The following DOCK2 variants were observed in gnomAD, a reference collection of about 807,000 sequenced individuals.
The protein encoded by DOCK2 is dedicator of cytokinesis protein 2.
Under a neutral mutation model 248.9 loss-of-function variants are expected in DOCK2, and 87 were observed. The ratio of observed to expected loss-of-function variants is 0.35; its 90% CI spans 0.29 to 0.42. The LOEUF is 0.42. DOCK2 is among the 10% of genes least tolerant of loss of function. The probability of loss-of-function intolerance (pLI) is 1.00; values close to 1 mark genes in which losing one functional copy is unlikely to be tolerated. For missense variants in DOCK2, 1,747 were observed against 2,300.2 expected, an observed-to-expected ratio of 0.76 and a Z score of 4.92; for synonymous variants, 805 against 821.6, an observed-to-expected ratio of 0.98 and a Z score of 0.35.
At chr5:169,897,127 A>C (rs983447432) in intron 27 of DOCK2, among the ~76,000 whole-genome samples, 1 of 152,202 alleles carries the variant, frequency 6.6e-6, no homozygotes, top group East Asian at 1.9e-4. Context: ...GGCTTTCTCT[A>C]TGAGAAAGAG....
intron 43 of DOCK2, chr5:170,057,153 G>A (rs1375472910): frequency 4.2e-5 from 15 of 354,022 alleles, no homozygotes; most frequent in Non-Finnish European, 3.7e-5. Context: ...TCCTCTGTGT[G>A]TGTCCAGCTA....
rs192453842 is a variant in DOCK2, at chr5:169,708,267, G to C, written c.1482G>C (p.Lys494Asn). ...AGCCACGCTGGATGGAAACAGTCAAGGTAATAATTAATAATAGCAGCAAAC... is the reference window on the plus strand; with the variant it reads ...AGCCACGCTGGATGGAAACAGTCAACGTAATAATTAATAATAGCAGCAAAC... ...VKQPRWMETV[K>N]VAVPIEDMQR... Residue 494 changes from lysine (K) to asparagine (N), a missense_variant and splice_region_variant, in exon 15 of 52, where the codon AAG (lysine) becomes AAC (asparagine). By Grantham distance (94) the Lys-to-Asn change is moderately conservative. Transcript: ENST00000520908. 1 of 1,613,086 alleles carries C rather than the reference G, an allele frequency of 6.2e-7. No homozygotes were observed. Among genetic ancestry groups the C allele is most frequent in the Admixed American group, 1.7e-5 (1 of 59,928 alleles).
At chr5:169,826,156 T>G (rs1044800921) in intron 26 of DOCK2, among the ~76,000 whole-genome samples, 2 of 152,186 alleles carry the variant, frequency 1.3e-5, no homozygotes, top group Admixed American at 1.3e-4. Flanking sequence ...GTGCTTACTC[T>G]GTGTCAAGCA....
At chr5:169,687,479 G>A (rs770381948) in intron 8 of DOCK2, among the ~76,000 whole-genome samples, 1 of 151,984 alleles carries the variant, frequency 6.6e-6, no homozygotes, top group Non-Finnish European at 1.5e-5. Flanking sequence ...GATAAAACAA[G>A]CTCTAAAAGG....
chr5:169,993,188 A>G (rs1436331700), intron 29 of DOCK2, among the ~76,000 whole-genome samples: 2 of 152,228 alleles, frequency 1.3e-5, no homozygotes, highest in African/African-American at 2.4e-5. Flanking sequence ...ACAAAATACA[A>G]TGTTGTTTCA....
rs111473735 is a variant in DOCK2, at chr5:169,670,501, T to TTTTTA, written c.169-31_169-27dup. On this transcript the variant is annotated intron_variant, in intron 3 of 51. Transcript: ENST00000520908. ...TCATTCATTTCTGTGGTGATATATC[T>TTTTTA]TTTTATTTTATTTTGTTTTGTTTTG... The TTTTTA allele has an allele frequency of 0.36, 568,352 of 1,593,632 alleles. 102,356 individuals carry two copies. Among genetic ancestry groups the TTTTTA allele is most frequent in the Middle Eastern group, 0.44 (2,601 of 5,942 alleles).
intron 25 of DOCK2, among the ~76,000 whole-genome samples, chr5:169,796,115 C>T (rs1766636916): frequency 6.6e-6 from 1 of 152,184 alleles, no homozygotes; most frequent in South Asian, 2.1e-4. Flanking sequence ...CGTGGGCACT[C>T]ATGCTGAGGA....
intron 44 of DOCK2, among the ~76,000 whole-genome samples, chr5:170,058,256 G>T (rs1280532330): frequency 1.3e-5 from 2 of 152,136 alleles, no homozygotes; most frequent in Admixed American, 6.5e-5. Flanking sequence ...CCTTGTAAAT[G>T]GACATATTTA....
intron 25 of DOCK2, among the ~76,000 whole-genome samples, chr5:169,783,005 T>C (rs931086754): frequency 6.6e-6 from 1 of 152,202 alleles, no homozygotes; most frequent in Admixed American, 6.5e-5. Context: ...GATGAAAATA[T>C]GGTGATGTCC....
chr5:169,941,923 C>A (rs139591502), intron 27 of DOCK2, among the ~76,000 whole-genome samples: 101 of 152,322 alleles, frequency 6.6e-4, no homozygotes, highest in African/African-American at 2.3e-3. Context: ...TGTCAAGTCC[C>A]ATCCTTTCTC....
At position 169,664,061 on chromosome 5, in the gene DOCK2, A is replaced by G. The variant is rs141646272; in HGVS notation, c.128-5227A>G. 4.6e-3 allele frequency among the ~76,000 whole-genome samples: 704 copies of G among 152,346 alleles called. 12 individuals are homozygous for G. The highest frequency in any genetic ancestry group is 0.016 in the African/African-American group (666 of 41,588). On this transcript the variant is annotated intron_variant, in intron 2 of 51. Transcript: ENST00000520908. Reference sequence around the variant, plus strand: ...TCTTTGTGAATGCATATGACTATATACTTTTAGAAACAGCCAGGTCAAATC... The same window carrying G: ...TCTTTGTGAATGCATATGACTATATGCTTTTAGAAACAGCCAGGTCAAATC...
At chr5:169,902,250 C>T (rs1336323768) in intron 27 of DOCK2, among the ~76,000 whole-genome samples, 9 of 152,224 alleles carry the variant, frequency 5.9e-5, no homozygotes, top group Non-Finnish European at 1.5e-5. Flanking sequence ...AAAGCTGTCA[C>T]AGGAGCAAAG....
chr5:169,805,631 G>A (rs1178522659), intron 26 of DOCK2, among the ~76,000 whole-genome samples: 1 of 152,210 alleles, frequency 6.6e-6, no homozygotes, highest in Non-Finnish European at 1.5e-5. Flanking sequence ...GGATGCTGAG[G>A]CTCTGCCCAT....
At chr5:169,680,763 C>T (rs1480728744) in intron 6 of DOCK2, among the ~76,000 whole-genome samples, 1 of 152,040 alleles carries the variant, frequency 6.6e-6, no homozygotes, top group Non-Finnish European at 1.5e-5. Flanking sequence ...GCACATGTAA[C>T]CTTTGACCCC....
In DOCK2 at chr5:170,070,774, A is replaced by G. The variant is rs115439645; in HGVS notation, c.4728+1554A>G. 1.4e-3 allele frequency among the ~76,000 whole-genome samples: 209 copies of G among 152,278 alleles called. 2 individuals carry two copies. Among genetic ancestry groups the G allele is most frequent in the African/African-American group, 4.9e-3 (202 of 41,566 alleles). ...ACTGGGGACCTCTTCTCCTCTGGAA[A>G]CAGCTTCTCCATGCTGTGTTTACTG... On this transcript the variant is annotated intron_variant, in intron 46 of 51. Transcript: ENST00000520908.
At chr5:169,677,533 C>T (rs912180216) in intron 6 of DOCK2, among the ~76,000 whole-genome samples, 1 of 152,164 alleles carries the variant, frequency 6.6e-6, no homozygotes, top group African/African-American at 2.4e-5. Flanking sequence ...ATGCTCTTGT[C>T]TCCATAAATA....
intron 37 of DOCK2, 123 bp from the exon 38 acceptor site, chr5:170,041,890 G>A: frequency 4.9e-6 from 6 of 1,225,748 alleles, no homozygotes; most frequent in Non-Finnish European, 6.7e-6. Flanking sequence ...GTTCAAGAAA[G>A]GAGGAGAGAT....
chr5:169,744,338 A>G (rs572893578), intron 22 of DOCK2, among the ~76,000 whole-genome samples: 123 of 152,272 alleles, frequency 8.1e-4, no homozygotes, highest in Non-Finnish European at 1.5e-3. Context: ...TTTTCCTTCC[A>G]GTTCAGTCAC....
intron 1 of DOCK2, among the ~76,000 whole-genome samples, chr5:169,644,723 A>G (rs1757353204): frequency 6.6e-6 from 1 of 150,842 alleles, no homozygotes; most frequent in Non-Finnish European, 1.5e-5. Flanking sequence ...TGCTGCACCT[A>G]TCTTCCCGTC....
Sources: allele counts gnomAD v4.1 joint callset (sites outside exome capture counted in the v4.1 genomes callset), GRCh38; gene constraint gnomAD v4.1.1; transcripts MANE v1.5; gene names NCBI Gene and HGNC (gene_info 2026-07-23, HGNC 2026-07-21).